KIFC3: variants seen among roughly 807,000 people sequenced by gnomAD.
The protein encoded by KIFC3 is kinesin family member C3, also known as kinesin-like protein KIFC3.
A neutral mutation model predicts 101.8 loss-of-function variants in KIFC3; 60 were observed. That is an observed-to-expected ratio of 0.59 (90% CI 0.48 to 0.73). The LOEUF is 0.73. Ranked by LOEUF, KIFC3 falls within the 30% of genes least tolerant of loss-of-function variation. The pLI, the probability that KIFC3 is intolerant of heterozygous loss-of-function variation, is 0.00. For missense variants in KIFC3, 966 were observed against 1,137.1 expected, an observed-to-expected ratio of 0.85 and a Z score of 2.16; for synonymous variants, 476 against 482.7, an observed-to-expected ratio of 0.99 and a Z score of 0.18.
At chr16:57,819,183 C>G (rs1255580521) in intron 1 of KIFC3, among the ~76,000 whole-genome samples, 1 of 152,230 alleles carries the variant, frequency 6.6e-6, no homozygotes, top group African/African-American at 2.4e-5. Context: ...AAAATCCGTA[C>G]TATTGGCTGG....
chr16:57,858,047 A>C (rs1242785130), intron 1 of KIFC3, among the ~76,000 whole-genome samples: 1 of 151,630 alleles, frequency 6.6e-6, no homozygotes, highest in Non-Finnish European at 1.5e-5. Context: ...CGATCTCCTG[A>C]CCTTGTGATC....
intron 3 of KIFC3, among the ~76,000 whole-genome samples, chr16:57,781,369 T>G (rs782353088): frequency 4.6e-5 from 7 of 152,160 alleles, no homozygotes; most frequent in Non-Finnish European, 8.8e-5. Context: ...TATTGGGAAC[T>G]TCAGGAACCT....
intron 1 of KIFC3, chr16:57,816,772 C>T (rs868977432): frequency 1.3e-5 from 6 of 455,428 alleles, no homozygotes; most frequent in Non-Finnish European, 2.2e-5. Flanking sequence ...ACAGCCACCC[C>T]TTCCAGGCAG....
At chr16:57,816,654 A>G in intron 1 of KIFC3, 1 of 456,672 alleles carries the variant, frequency 2.2e-6, no homozygotes, top group South Asian at 1.5e-5. Context: ...CTGCCACACC[A>G]GGCAGCCTCC....
chr16:57,841,792 G>C (rs760264785), intron 1 of KIFC3, among the ~76,000 whole-genome samples: 21 of 152,138 alleles, frequency 1.4e-4, no homozygotes, highest in Non-Finnish European at 2.2e-4. Context: ...CTCTCCAGCT[G>C]CATGAGTCTC....
intron 3 of KIFC3, among the ~76,000 whole-genome samples, chr16:57,788,892 GT>G (rs2053602244): frequency 6.6e-6 from 1 of 152,162 alleles, no homozygotes; most frequent in African/African-American, 2.4e-5. Flanking sequence ...GATGTGCCAG[GT>G]CCCACAGCAA....
chr16:57,829,268 T>G lies in KIFC3; in HGVS notation c.109-30986A>C, dbSNP rs558798010. ...ATAACCTTTGTTTGTTTGTTTGTTT[T>G]TTGGAGACAGGGTCTCACTCTGTTG... is the stretch of plus-strand genomic sequence containing the variant. On this transcript the variant is annotated intron_variant, in intron 1 of 2. Transcript: ENST00000563028. 2.5e-4 allele frequency among the ~76,000 whole-genome samples: 38 copies of G among 152,344 alleles called. No homozygotes were observed. In the South Asian group the frequency reaches 6.8e-3, roughly 27 times the overall value.
At chr16:57,784,004 C>T (rs1301685013) in intron 3 of KIFC3, among the ~76,000 whole-genome samples, 5 of 152,230 alleles carry the variant, frequency 3.3e-5, no homozygotes, top group African/African-American at 1.2e-4. Flanking sequence ...CTTTCCTCTG[C>T]TCTGTCCCAG....
chr16:57,764,155 C>A lies in KIFC3; in HGVS notation c.1605G>T (p.Thr535=), dbSNP rs369875793. The change falls in exon 12 of 20, where the codon ACG becomes ACT. Residue 535 remains threonine (T), a synonymous_variant. Coordinates refer to ENST00000445690, the MANE Select transcript of KIFC3 (RefSeq NM_001130100.2). ...FAYGQTGAGK[T]YTMEGTAENP... ...GGGCAGCACCCACCTCCATCGTGTA[C>A]GTCTTGCCGGCGCCCGTCTGGCCGT... The A allele has an allele frequency of 6.2e-7, 1 of 1,611,960 alleles. No homozygotes were observed.
Position 57,760,794 on chromosome 16 carries a change from T to C in KIFC3, c.2164A>G (p.Asn722Asp). 6.2e-7 allele frequency: 1 copy of C among 1,613,806 alleles called. No homozygotes were observed. The highest frequency in any genetic ancestry group is 8.5e-7 in the Non-Finnish European group (1 of 1,179,988). Residue 722 changes from asparagine to aspartate, a missense_variant, in exon 16 of 20, where the codon AAC (asparagine) becomes GAC (aspartate). This residue lies in a region of KIFC3 where 689 missense variants were observed against 884.6 expected (regional missense o/e 0.78). Transcript: ENST00000445690. ...RSRQGHVPFR[N>D]SKLTYLLQDS... is the part of the protein sequence containing the mutation. ...TGCAGCAGGTAGGTGAGCTTGGAGTTGCGGAAGGGCACGTGGCCCTGGCGG... is the reference window on the plus strand; with the variant it reads ...TGCAGCAGGTAGGTGAGCTTGGAGTCGCGGAAGGGCACGTGGCCCTGGCGG...
intron 1 of KIFC3, among the ~76,000 whole-genome samples, chr16:57,840,524 G>GC (rs745391921): frequency 2.0e-5 from 3 of 152,086 alleles, no homozygotes; most frequent in Non-Finnish European, 4.4e-5. Flanking sequence ...ACTTTGAGAG[G>GC]CCAAGGTGGG....
At chr16:57,813,853 A>G (rs1187161956) in intron 1 of KIFC3, 10 of 985,328 alleles carry the variant, frequency 1.0e-5, no homozygotes, top group African/African-American at 1.7e-5. Flanking sequence ...TCTCCTGGAC[A>G]TAAAAGCCAT....
At chr16:57,759,011 C>G in intron 19 of KIFC3, 102 bp from the exon 20 acceptor site, 1 of 1,530,886 alleles carries the variant, frequency 6.5e-7, no homozygotes, top group Non-Finnish European at 8.8e-7. Flanking sequence ...AGCACATAGA[C>G]AAGCGACAGC....
intron 1 of KIFC3, among the ~76,000 whole-genome samples, chr16:57,808,292 T>C (rs2149253812): frequency 6.6e-6 from 1 of 152,272 alleles, no homozygotes; most frequent in East Asian, 1.9e-4. Context: ...ATAACCGCCC[T>C]GAGAGTAGCA....
chr16:57,768,780 A>T (rs2050800232), intron 9 of KIFC3, among the ~76,000 whole-genome samples: 1 of 152,224 alleles, frequency 6.6e-6, no homozygotes, highest in Non-Finnish European at 1.5e-5. Context: ...AACGGCTATA[A>T]ACAGCTCGAC....
At chr16:57,796,263 G>C (rs782740082) in intron 2 of KIFC3, among the ~76,000 whole-genome samples, 2 of 152,154 alleles carry the variant, frequency 1.3e-5, no homozygotes, top group African/African-American at 4.8e-5. Flanking sequence ...CTGTGATAAG[G>C]ATCAAATGGG....
chr16:57,780,553 T>G (rs1412759406), intron 3 of KIFC3, among the ~76,000 whole-genome samples: 1 of 140,728 alleles, frequency 7.1e-6, no homozygotes, highest in East Asian at 2.0e-4. Context: ...GTAAATTTTA[T>G]GTTACGTCTA....
chr16:57,790,064 TTCTTTCTTTCTTTC>T (rs1397000149), intron 3 of KIFC3, among the ~76,000 whole-genome samples: 1,537 of 64,988 alleles, frequency 0.024, 17 homozygotes, highest in Non-Finnish European at 0.043. Flanking sequence ...TTTTCTTTCT[TTCTTTCTTTCTTTC>T]TTTTTTTTTT....
chr16:57,789,598 GAATA>G (rs2053668826), intron 3 of KIFC3, among the ~76,000 whole-genome samples: 1 of 152,112 alleles, frequency 6.6e-6, no homozygotes, highest in Non-Finnish European at 1.5e-5. Context: ...AATTTTGGGG[GAATA>G]AAAAGAAAGT....
Sources: gnomAD v4.1 joint callset for allele counts (sites outside exome capture counted in the v4.1 genomes callset) on GRCh38, gnomAD v4.1.1 for gene constraint, gnomAD v4.1.1 regional missense constraint, MANE v1.5 for transcripts, NCBI Gene and HGNC (gene_info 2026-07-23, HGNC 2026-07-21) for gene names.